Variants in XPA observed in about 807,000 individuals in gnomAD.
XPA encodes the protein DNA repair protein complementing XP-A cells.
Under a neutral mutation model 35.7 loss-of-function variants are expected in XPA, and 27 were observed. The ratio of observed to expected loss-of-function variants is 0.76; its 90% CI spans 0.56 to 1.04. XPA has a LOEUF of 1.04. Ranked by LOEUF, XPA falls within the 50% of genes least tolerant of loss-of-function variation. XPA has a pLI of 0.00. For missense variants in XPA, 354 were observed against 342.7 expected, an observed-to-expected ratio of 1.03 and a Z score of -0.26; for synonymous variants, 133 against 118.4, an observed-to-expected ratio of 1.12 and a Z score of -0.80.
At chr9:97,693,050 C>CTT (rs201521443) in intron 2 of XPA, among the ~76,000 whole-genome samples, 18 of 139,640 alleles carry the variant, frequency 1.3e-4, no homozygotes, top group East Asian at 6.2e-4. Flanking sequence ...TGGAATAGGT[C>CTT]TTTTTTTTTT....
chr9:97,683,209 G>A (rs1411168504), intron 5 of XPA, among the ~76,000 whole-genome samples: 2 of 152,182 alleles, frequency 1.3e-5, no homozygotes, highest in Non-Finnish European at 2.9e-5. Flanking sequence ...CCCTAGGCTA[G>A]TATATAACTA....
At chr9:97,682,656 C>G (rs529349017) in intron 5 of XPA, among the ~76,000 whole-genome samples, 6 of 152,126 alleles carry the variant, frequency 3.9e-5, no homozygotes, top group Non-Finnish European at 8.8e-5. Flanking sequence ...AACAAGCGAA[C>G]TGAAAAAGAA....
At chr9:97,689,433 A>T in intron 3 of XPA, 101 bp downstream of exon 3, 2 of 784,302 alleles carry the variant, frequency 2.6e-6, no homozygotes, top group Non-Finnish European at 4.3e-6. Context: ...AATGAAATTC[A>T]TAATTACTAA....
At chr9:97,696,426 T>C (rs925131899) in intron 1 of XPA, among the ~76,000 whole-genome samples, 1 of 152,222 alleles carries the variant, frequency 6.6e-6, no homozygotes, top group Non-Finnish European at 1.5e-5. Context: ...AAACACGTTT[T>C]GAGCAACTAG....
At chr9:97,681,101 T>C (rs1179392835) in intron 5 of XPA, among the ~76,000 whole-genome samples, 3 of 152,190 alleles carry the variant, frequency 2.0e-5, no homozygotes, top group South Asian at 4.1e-4. Context: ...TAAATGAAAA[T>C]GTTATTTTAT....
chr9:97,687,178 CTT>C lies in XPA; in HGVS notation c.471_472del (p.Glu159AlafsTer4). The C allele has an allele frequency of 1.2e-6, 2 of 1,612,498 alleles. No homozygotes were observed. Among genetic ancestry groups the C allele is most frequent in the Non-Finnish European group, 1.7e-6 (2 of 1,179,564 alleles). On this transcript the variant is annotated frameshift_variant, in exon 4 of 6. Coordinates refer to ENST00000375128, the MANE Select transcript of XPA (RefSeq NM_000380.4). LOFTEE classifies it high-confidence loss of function. The stretch of plus-strand genomic sequence containing the variant: ...CACAATAAATTTAAGAGGTGGCTCT[CTT>C]TTTTCTAAATCACAGTCTTTCAGAA...
At position 97,689,033 on chromosome 9, in the gene XPA, TAGA is replaced by T. The variant is rs547761920; in HGVS notation, c.389+498_389+500del. Reference sequence around the variant, plus strand: ...TGATATAAAAAAAAAGGATAAAGTCTAGAAGAAGAAAAAGAATGGAAGAATATA... The same window carrying T: ...TGATATAAAAAAAAAGGATAAAGTCTAGAAGAAAAAGAATGGAAGAATATA... On this transcript the variant is annotated intron_variant, in intron 3 of 5. Transcript: ENST00000375128. Among the ~76,000 whole-genome samples, 168 of 152,240 alleles carry T rather than the reference TAGA, an allele frequency of 1.1e-3. 1 individual carries two copies. Among genetic ancestry groups the T allele is most frequent in the African/African-American group, 3.9e-3 (162 of 41,542 alleles).
At chr9:97,675,677 T>C in intron 5 of XPA, 90 bp from the exon 6 acceptor site, 1 of 1,424,006 alleles carries the variant, frequency 7.0e-7, no homozygotes, top group Non-Finnish European at 9.9e-7. Context: ...GCCATGTACA[T>C]GTGTGTGTGT....
In XPA at chr9:97,692,445, G is replaced by A. The variant is rs572072654; in HGVS notation, c.283+1204C>T. 1.8e-4 allele frequency among the ~76,000 whole-genome samples: 27 copies of A among 152,068 alleles called. No individual in the cohort carries two copies. In the South Asian group the frequency reaches 2.5e-3, roughly 14 times the overall value. ...CAAACAAAAAAATCATGCTTTTTTT[G>A]TAGAATATTAGAGAAGCATATCTAT... On this transcript the variant is annotated intron_variant, in intron 2 of 5. Coordinates refer to ENST00000375128, the MANE Select transcript of XPA (RefSeq NM_000380.4).
chr9:97,691,100 T>G (rs1438186827), intron 2 of XPA, among the ~76,000 whole-genome samples: 1 of 152,124 alleles, frequency 6.6e-6, no homozygotes. Flanking sequence ...GCACCAACAT[T>G]GCACAAGAAA....
At chr9:97,659,021 G>T in the XPA span, among the ~76,000 whole-genome samples, 1 of 152,196 alleles carries the variant, frequency 6.6e-6, no homozygotes, top group African/African-American at 2.4e-5. Context: ...TTACTAAACT[G>T]AAAACGTGTA....
chr9:97,685,618 G>A (rs578041740), intron 4 of XPA, among the ~76,000 whole-genome samples: 1 of 151,960 alleles, frequency 6.6e-6, no homozygotes, highest in African/African-American at 2.4e-5. Context: ...TAGATTTTAA[G>A]AGAATTTACA....
chr9:97,658,269 G>A, the XPA span, among the ~76,000 whole-genome samples: 1 of 151,982 alleles, frequency 6.6e-6, no homozygotes, highest in African/African-American at 2.4e-5. Flanking sequence ...ACCATGATTT[G>A]TAAACACCTT....
the XPA span, chr9:97,662,136 T>C: frequency 6.2e-7 from 1 of 1,611,612 alleles, no homozygotes; most frequent in Non-Finnish European, 8.5e-7. Flanking sequence ...CCTTCAGTGC[T>C]CTTGCAAAGT....
the XPA span, among the ~76,000 whole-genome samples, chr9:97,658,087 T>C: frequency 6.6e-6 from 1 of 151,924 alleles, no homozygotes; most frequent in Admixed American, 6.6e-5. Flanking sequence ...TGGAATATGG[T>C]ATTTAGGAGC....
chr9:97,668,599 G>C, the XPA span, among the ~76,000 whole-genome samples: 2 of 152,002 alleles, frequency 1.3e-5, no homozygotes, highest in Admixed American at 1.3e-4. Context: ...TTGTTACCAA[G>C]ACAAGTGCCA....
chr9:97,667,569 T>C, the XPA span, among the ~76,000 whole-genome samples: 5 of 152,298 alleles, frequency 3.3e-5, no homozygotes, highest in South Asian at 6.2e-4. Flanking sequence ...GTAGATGTTA[T>C]AAAGTGAGAC....
downstream of XPA, chr9:97,672,139 C>G (rs554116079): frequency 6.6e-6 from 1 of 152,236 alleles, no homozygotes; most frequent in East Asian, 1.9e-4. Flanking sequence ...AGTACTGATG[C>G]TGAAATAAGA....
the XPA span, chr9:97,669,042 ATG>A: frequency 6.8e-7 from 1 of 1,469,336 alleles, no homozygotes; most frequent in Non-Finnish European, 9.2e-7. Context: ...GTTTTTAAAA[ATG>A]TTATTTTTCA....
Sources: allele counts gnomAD v4.1 joint callset (sites outside exome capture counted in the v4.1 genomes callset), GRCh38; gene constraint gnomAD v4.1.1; transcripts MANE v1.5; gene names NCBI Gene and HGNC (gene_info 2026-07-23, HGNC 2026-07-21).